The following AFG3L2 variants were observed in gnomAD, a reference collection of about 807,000 sequenced individuals.
AFG3L2 encodes AFG3 like matrix AAA peptidase subunit 2, also known as mitochondrial inner membrane m-AAA protease component AFG3L2.
Under a neutral mutation model 94.5 loss-of-function variants are expected in AFG3L2, and 54 were observed. The observed-to-expected ratio is 0.57, with a 90% CI of 0.46 to 0.72. AFG3L2 has a LOEUF of 0.72. AFG3L2 is among the 30% of genes least tolerant of loss of function. AFG3L2 has a pLI of 0.00. For missense variants in AFG3L2, 754 were observed against 994.9 expected, an observed-to-expected ratio of 0.76 and a Z score of 3.26; for synonymous variants, 377 against 365.5, an observed-to-expected ratio of 1.03 and a Z score of -0.36.
At chr18:12,358,584 T>A in intron 8 of AFG3L2, 86 bp downstream of exon 8, 1 of 1,481,556 alleles carries the variant, frequency 6.7e-7, no homozygotes, top group Non-Finnish European at 9.2e-7. Context: ...AAAACAGCTA[T>A]CTATAATAAG....
chr18:12,359,812 A>C (rs2143195302), intron 7 of AFG3L2, 115 bp downstream of exon 7: 2 of 1,395,290 alleles, frequency 1.4e-6, no homozygotes, highest in East Asian at 2.3e-5. Context: ...AAATCTGGCC[A>C]AACTGATAAA....
intron 16 of AFG3L2, 48 bp downstream of exon 16, chr18:12,337,293 C>G (rs766917796): frequency 6.4e-7 from 1 of 1,553,170 alleles, no homozygotes; most frequent in Non-Finnish European, 8.9e-7. Context: ...TCACTTCAAT[C>G]TTTTTTTTGC....
rs1455862259 is a variant in AFG3L2 at position 12,329,534 on chromosome 18, G to A, written c.*31C>T. Reference sequence around the variant, plus strand: ...ATAATGCACCAGCTGAAACCACAGTGGACAGACTGAGATGGCCTCCCTCTG... The same window carrying A: ...ATAATGCACCAGCTGAAACCACAGTAGACAGACTGAGATGGCCTCCCTCTG... On this transcript the variant is annotated 3_prime_UTR_variant, in exon 17 of 17. Coordinates refer to ENST00000269143, the MANE Select transcript of AFG3L2 (RefSeq NM_006796.3). 2 of 1,600,030 alleles carry A rather than the reference G, an allele frequency of 1.2e-6. No individual in the cohort carries two copies. The highest frequency in any genetic ancestry group is 2.7e-5 in the African/African-American group (2 of 74,656).
chr18:12,337,476 C>A lies in AFG3L2; in HGVS notation c.2040G>T (p.Gln680His). The change falls in exon 16 of 17, where the codon CAG (glutamine) becomes CAT (histidine). Residue 680 changes from glutamine (Q) to histidine (H), a missense_variant. By Grantham distance (24) the Gln-to-His change is conservative. Coordinates refer to ENST00000269143, the MANE Select transcript of AFG3L2 (RefSeq NM_006796.3). ...AAGGTTTCTCCAATACCATGTCCCC[C>A]TGACGTGGGAGGTCAAAGGAGATTT... ...VGQISFDLPR[Q>H]GDMVLEKPYS... 6.2e-7 allele frequency: 1 copy of A among 1,614,238 alleles called. No homozygotes were observed. The highest frequency in any genetic ancestry group is 8.5e-7 in the Non-Finnish European group (1 of 1,180,036).
chr18:12,367,333 G>A lies in AFG3L2; in HGVS notation c.342C>T (p.Gly114=), dbSNP rs1370183248. The A allele has an allele frequency of 9.9e-6, 16 of 1,613,926 alleles. No individual in the cohort carries two copies. Among genetic ancestry groups the A allele is most frequent in the Admixed American group, 3.3e-5 (2 of 59,982 alleles). ...TTRSSGGGGG[G]GGKRGGKKDD... is the part of the protein sequence containing the mutation. Reference sequence around the variant, plus strand: ...CTTTCTTGCCACCTCGTTTTCCACCGCCACCACCTCCTCCTCCAGAAGAGC... The same window carrying A: ...CTTTCTTGCCACCTCGTTTTCCACCACCACCACCTCCTCCTCCAGAAGAGC... Residue 114 remains glycine (G), a synonymous_variant, in exon 4 of 17, where the codon GGC becomes GGT. Coordinates refer to ENST00000269143, the MANE Select transcript of AFG3L2 (RefSeq NM_006796.3).
chr18:12,354,126 A>ACCCC (rs1568140579), intron 9 of AFG3L2, among the ~76,000 whole-genome samples: 5 of 66,562 alleles, frequency 7.5e-5, no homozygotes, highest in African/African-American at 3.4e-4. Flanking sequence ...CCACCTGCCC[A>ACCCC]CTCCCACCCC....
intron 8 of AFG3L2, 145 bp downstream of exon 8, chr18:12,358,525 C>T (rs926814535): frequency 5.6e-6 from 6 of 1,064,048 alleles, no homozygotes; most frequent in South Asian, 1.5e-5. Context: ...AAACGATCCT[C>T]GAGTTGGGCA....
Position 12,354,136 on chromosome 18 carries a change from C to CG in AFG3L2, c.1165-979_1165-978insC, listed in dbSNP as rs560710660. ...ACTCTCCACCTGCCCACTCCCACCC[C>CG]CCCCCCCCCACTTCACTGGACAGAA... On this transcript the variant is annotated intron_variant, in intron 9 of 16. Transcript: ENST00000269143. Among the ~76,000 whole-genome samples, 208 of 125,524 alleles carry CG rather than the reference C, an allele frequency of 1.7e-3. 3 individuals carry two copies. Among genetic ancestry groups the CG allele is most frequent in the South Asian group, 8.0e-3 (27 of 3,392 alleles). 82.3% of individuals were successfully genotyped at this position (125,524 alleles called of 152,430 possible). A position where few individuals can be genotyped will look rare whatever the true frequency, so the allele number is the denominator to read the frequency against.
In AFG3L2 at chr18:12,367,485, A is replaced by G. The variant is rs779777641; in HGVS notation, c.293-103T>C. The G allele has an allele frequency of 2.1e-5, 22 of 1,028,184 alleles. No homozygotes were observed. In the Admixed American group the frequency reaches 3.1e-4, roughly 14 times the overall value. The allele number at this position is 1,028,184 out of a possible 1,614,324, so 63.7% of individuals were successfully genotyped here. On this transcript the variant is annotated intron_variant, in intron 3 of 16. Transcript: ENST00000269143. ...TAATAAAAGACTCATTGCAGAATAC[A>G]CTGTGGCAACTGATCAGTTACTAAG...
Position 12,356,679 on chromosome 18 carries a change from C to T in AFG3L2, c.1164+15G>A, listed in dbSNP as rs1908505848. The stretch of plus-strand genomic sequence containing the variant: ...GTGCAAGGAAGCTGTACCATCCGAA[C>T]AGAATGAGACTCACTCTAGCAGGGC... On this transcript the variant is annotated intron_variant, in intron 9 of 16. Transcript: ENST00000269143. The T allele has an allele frequency of 1.2e-6, 2 of 1,614,078 alleles. No homozygotes were observed. Among genetic ancestry groups the T allele is most frequent in the Admixed American group, 1.7e-5 (1 of 60,018 alleles).
intron 1 of AFG3L2, among the ~76,000 whole-genome samples, chr18:12,374,086 C>T (rs1408753028): frequency 2.6e-5 from 4 of 152,138 alleles, no homozygotes; most frequent in Non-Finnish European, 5.9e-5. Flanking sequence ...CCTTTTTAGG[C>T]TCTATTTTCA....
chr18:12,376,820 G>C (rs901463036), intron 1 of AFG3L2, 149 bp downstream of exon 1: 1 of 528,516 alleles, frequency 1.9e-6, no homozygotes, highest in Non-Finnish European at 3.0e-6. Context: ...GGGGCCGGCT[G>C]AGAGACAGCG....
chr18:12,377,202 C>A lies in AFG3L2; in HGVS notation c.-120G>T. 1 of 785,022 alleles carries A rather than the reference C, an allele frequency of 1.3e-6. No individual in the cohort carries two copies. The highest frequency in any genetic ancestry group is 1.9e-6 in the Non-Finnish European group (1 of 515,628). The allele number at this position is 785,022 out of a possible 1,614,324, so 48.6% of individuals were successfully genotyped here. On this transcript the variant is annotated 5_prime_UTR_variant, in exon 1 of 17. Coordinates refer to ENST00000269143, the MANE Select transcript of AFG3L2 (RefSeq NM_006796.3). ...GCCGCCAGGCAGCGAAGCGCGCCGG[C>A]GGCTCACGGAGGAGCCCAAGCTCTC...
chr18:12,331,932 C>T (rs571514045), intron 16 of AFG3L2, among the ~76,000 whole-genome samples: 1 of 143,302 alleles, frequency 7.0e-6, no homozygotes, highest in East Asian at 2.0e-4. Flanking sequence ...AAGTTCTATT[C>T]ATTTGTTACA....
chr18:12,370,480 C>CT lies in AFG3L2; in HGVS notation c.292+368dup, dbSNP rs1237845064. ...ATAACTTTCTTTTTTTTTTTTTTTT[C>CT]TTTTTTTTTTGAGACAGGGTCTCTC... On this transcript the variant is annotated intron_variant, in intron 3 of 16. Transcript: ENST00000269143. Among the ~76,000 whole-genome samples the CT allele has an allele frequency of 4.8e-3, 275 of 57,502 alleles. 6 individuals carry two copies. Among genetic ancestry groups the CT allele is most frequent in the African/African-American group, 0.015 (211 of 13,738 alleles). 37.7% of individuals were successfully genotyped at this position (57,502 alleles called of 152,430 possible). A position where few individuals can be genotyped will look rare whatever the true frequency, so the allele number is the denominator to read the frequency against.
At chr18:12,365,651 A>T (rs1354178820) in intron 5 of AFG3L2, among the ~76,000 whole-genome samples, 2 of 152,188 alleles carry the variant, frequency 1.3e-5, no homozygotes, top group East Asian at 3.9e-4. Flanking sequence ...TTAGCACAGT[A>T]GCAGCTGCTC....
At chr18:12,348,121 G>T in intron 13 of AFG3L2, 152 bp downstream of exon 13, 2 of 694,230 alleles carry the variant, frequency 2.9e-6, no homozygotes, top group East Asian at 5.4e-5. Flanking sequence ...GGCATGGGAG[G>T]GGCCATGACA....
At chr18:12,342,682 C>T (rs1381729510) in intron 14 of AFG3L2, 2 of 152,172 alleles carry the variant, frequency 1.3e-5, no homozygotes, top group East Asian at 3.8e-4. Context: ...GTTCTTATGA[C>T]CTGTTTCAAA....
intron 8 of AFG3L2, 57 bp from the exon 9 acceptor site, chr18:12,356,888 G>C (rs969509812): frequency 1.1e-5 from 17 of 1,541,428 alleles, no homozygotes; most frequent in Non-Finnish European, 1.3e-5. Context: ...AGTAAATTGT[G>C]TATCCACAAA....
Sources: allele counts gnomAD v4.1 joint callset (sites outside exome capture counted in the v4.1 genomes callset), GRCh38; gene constraint gnomAD v4.1.1; transcripts MANE v1.5; gene names NCBI Gene and HGNC (gene_info 2026-07-23, HGNC 2026-07-21).